Variants in CYP11B2 observed in about 807,000 individuals in gnomAD.
CYP11B2 encodes the protein cytochrome P450 family 11 subfamily B member 2, also known as cytochrome P450 11B2, mitochondrial.
A neutral mutation model predicts 49.3 loss-of-function variants in CYP11B2; 38 were observed. The observed-to-expected ratio is 0.77, with a 90% CI of 0.59 to 1.01. CYP11B2 has a LOEUF of 1.01. CYP11B2 is among the 50% of genes least tolerant of loss of function. The pLI, the probability that CYP11B2 is intolerant of heterozygous loss-of-function variation, is 0.00. For missense variants in CYP11B2, 669 were observed against 655.5 expected (o/e 1.02, Z -0.23); for synonymous variants, 290 against 269.3 (o/e 1.08, Z -0.75).
At chr8:142,916,333 C>T (rs574671469) in intron 2 of CYP11B2, 4 of 446,618 alleles carry the variant, frequency 9.0e-6, no homozygotes, top group South Asian at 6.4e-5. Context: ...ATAGCGTTCC[C>T]TTCCTACCAT....
intron 2 of CYP11B2, among the ~76,000 whole-genome samples, chr8:142,916,803 C>G (rs905541137): frequency 2.0e-5 from 3 of 152,162 alleles, no homozygotes; most frequent in Admixed American, 1.3e-4. Flanking sequence ...GTTCTCACTA[C>G]ACAGAAGGGC....
chr8:142,916,240 C>T (rs1206450857), intron 2 of CYP11B2, among the ~76,000 whole-genome samples: 1 of 152,176 alleles, frequency 6.6e-6, no homozygotes, highest in Admixed American at 6.5e-5. Flanking sequence ...GGTCCTGACT[C>T]TCTCCCAGAT....
Position 142,915,118 on chromosome 8 carries a change from T to C in CYP11B2, c.523A>G (p.Lys175Glu), listed in dbSNP as rs1362015579. 6.2e-7 allele frequency: 1 copy of C among 1,613,500 alleles called. No individual in the cohort carries two copies. Among genetic ancestry groups the C allele is most frequent in the Non-Finnish European group, 8.5e-7 (1 of 1,179,730 alleles). Residue 175 changes from lysine to glutamate, a missense_variant, in exon 3 of 9, where the codon AAG (lysine) becomes GAG (glutamate). Physicochemically the swap from Lys to Glu is moderately conservative, Grantham distance 56. Transcript: ENST00000323110. Reference protein sequence around the residue: ...ARDFSQALKKKVLQNARGSLT... With the variant: ...ARDFSQALKKEVLQNARGSLT... ...CTCCCCCGGGCGTTCTGCAGCACCT[T>C]CTTCTTCAGGGCCTGGGAGAAGTCC...
intron 2 of CYP11B2, chr8:142,916,359 A>G (rs1436697777): frequency 2.0e-5 from 9 of 453,500 alleles, no homozygotes; most frequent in South Asian, 6.2e-5. Context: ...GGGGGCTGTC[A>G]CCACTGTGAC....
At chr8:142,917,261 G>C (rs61757315) in intron 1 of CYP11B2, 47 bp from the exon 2 acceptor site, 27 of 1,598,444 alleles carry the variant, frequency 1.7e-5, no homozygotes, top group Non-Finnish European at 2.2e-5. Context: ...CATGTCCCTC[G>C]TGGCCCCACC....
Position 142,917,713 on chromosome 8 carries a change from TG to T in CYP11B2, c.127del (p.Gln43SerfsTer8). 6.2e-7 allele frequency: 1 copy of T among 1,614,248 alleles called. No individual in the cohort carries two copies. The highest frequency in any genetic ancestry group is 1.1e-5 in the South Asian group (1 of 91,084). On this transcript the variant is annotated frameshift_variant, in exon 1 of 9. Transcript: ENST00000323110. LOFTEE classifies it high-confidence loss of function. ...CCTCAGCCACCTGTTGCCTGGATGC[TG>T]GGGCATGGCTTCAAACGGCAGCACC... ...RTVLPFEAMPQHPGNRWLRLL... is the reference protein window; with the variant it reads ...RTVLPFEAMPXHPGNRWLRLL...
chr8:142,915,173 C>A lies in CYP11B2; in HGVS notation c.468G>T (p.Arg156Ser), dbSNP rs1252223992. 5.6e-6 allele frequency: 9 copies of A among 1,614,066 alleles called. No individual in the cohort carries two copies. Among genetic ancestry groups the A allele is most frequent in the Non-Finnish European group, 7.6e-6 (9 of 1,180,014 alleles). Residue 156 changes from arginine to serine, a missense_variant, in exon 3 of 9, where the codon AGG becomes AGT. Coordinates refer to ENST00000323110, the MANE Select transcript of CYP11B2 (RefSeq NM_000498.3). ...PDVLSPKAVQ[R>S]FLPMVDAVAR... is the part of the protein sequence containing the mutation. ...CCACTGCATCCACCATCGGGAGGAA[C>A]CTCTGCACGGCCTTGGGCGACAGCA...
chr8:142,914,643 A>G (rs6434), intron 4 of CYP11B2, 62 bp downstream of exon 4: 344,646 of 1,103,284 alleles, frequency 0.31, 90,904 homozygotes, highest in African/African-American at 0.49. Flanking sequence ...GTGGTGGAGA[A>G]GGAGAAATTG....
intron 5 of CYP11B2, chr8:142,913,816 T>A: frequency 2.2e-6 from 1 of 445,128 alleles, no homozygotes; most frequent in Admixed American, 2.9e-5. Flanking sequence ...CCCTCTGCAC[T>A]GGCTGGAGCC....
chr8:142,916,650 C>T (rs186775442), intron 2 of CYP11B2: 429 of 378,326 alleles, frequency 1.1e-3, no homozygotes, highest in Non-Finnish European at 1.9e-3. Context: ...GAGGCTGTGG[C>T]CCCGGCGAAC....
chr8:142,912,476 T>TGCAGGTCCCGCCTCTGCTGC (rs1380875577), intron 8 of CYP11B2, 54 bp downstream of exon 8: 1 of 1,571,476 alleles, frequency 6.4e-7, no homozygotes, highest in Non-Finnish European at 8.7e-7. Context: ...GCCCCCAGTG[T>TGCAGGTCCCGCCTCTGCTGC]GCAGGTCCCG....
chr8:142,913,933 T>G (rs1465161111), intron 5 of CYP11B2: 1 of 519,428 alleles, frequency 1.9e-6, no homozygotes, highest in African/African-American at 1.9e-5. Context: ...TCCAGCTGCC[T>G]CTCAACCCTC....
At position 142,912,571 on chromosome 8, in the gene CYP11B2, G is replaced by T; in HGVS notation, c.1357C>A (p.Arg453=). 6.2e-7 allele frequency: 1 copy of T among 1,614,000 alleles called. No homozygotes were observed. Among genetic ancestry groups the T allele is most frequent in the Non-Finnish European group, 8.5e-7 (1 of 1,179,998 alleles). The change falls in exon 8 of 9, where the codon CGG becomes AGG. Residue 453 remains arginine (R), a synonymous_variant. Transcript: ENST00000323110. The part of the protein sequence containing the change: ...FGFGMRQCLG[R]RLAEAEMLLL... ...AGCATCTCTGCCTCTGCCAGGCGCCGCCCGAGGCACTGGCGCATGCCAAAG... is the reference window on the plus strand; with the variant it reads ...AGCATCTCTGCCTCTGCCAGGCGCCTCCCGAGGCACTGGCGCATGCCAAAG...
intron 8 of CYP11B2, 101 bp from the exon 9 acceptor site, chr8:142,912,194 G>T: frequency 2.5e-6 from 4 of 1,570,872 alleles, no homozygotes; most frequent in Non-Finnish European, 3.5e-6. Context: ...GCTGAAGGGG[G>T]AGCAGCAGCC....
Position 142,917,220 on chromosome 8 carries a change from G to A in CYP11B2, c.240-6C>T, listed in dbSNP as rs1235958382. ...GTGGTCCTCCCAAGTTGTACCTGTG[G>A]GGCCAAGCAGGAGGCCCTGCTGGAC... On this transcript the variant is annotated splice_region_variant and splice_polypyrimidine_tract_variant and intron_variant, in intron 1 of 8. Transcript: ENST00000323110. The A allele has an allele frequency of 1.9e-6, 3 of 1,613,738 alleles. No homozygotes were observed. Among genetic ancestry groups the A allele is most frequent in the Non-Finnish European group, 2.5e-6 (3 of 1,179,916 alleles).
intron 5 of CYP11B2, 63 bp from the exon 6 acceptor site, chr8:142,913,514 C>G: frequency 6.2e-7 from 1 of 1,605,566 alleles, no homozygotes; most frequent in Non-Finnish European, 8.5e-7. Context: ...CGGGACACCC[C>G]TCCCAGGACA....
At chr8:142,916,201 G>C (rs139662069) in intron 2 of CYP11B2, among the ~76,000 whole-genome samples, 2 of 151,960 alleles carry the variant, frequency 1.3e-5, no homozygotes, top group East Asian at 3.9e-4. Context: ...TCCATTATGC[G>C]CACCCAGCCT....
chr8:142,913,373 G>C lies in CYP11B2; in HGVS notation c.1033C>G (p.Leu345Val), dbSNP rs1388778118. Residue 345 changes from leucine (L) to valine (V), a missense_variant, in exon 6 of 9, where the codon CTG becomes GTG. Coordinates refer to ENST00000323110, the MANE Select transcript of CYP11B2 (RefSeq NM_000498.3). ...TCACTGATGCTGGCTGCGGCGGCCA[G>C]GCTCTCCTGGCGCAGGATCTGCTGC... The part of the protein sequence containing the change: ...DVQQILRQES[L>V]AAAASISEHP... 1.2e-6 allele frequency: 2 copies of C among 1,613,964 alleles called. No individual in the cohort carries two copies. The highest frequency in any genetic ancestry group is 2.2e-5 in the South Asian group (2 of 91,082).
intron 2 of CYP11B2, among the ~76,000 whole-genome samples, chr8:142,915,531 C>T (rs1363522604): frequency 7.2e-6 from 1 of 138,266 alleles, no homozygotes; most frequent in African/African-American, 2.5e-5. Flanking sequence ...CCAAGTCTGG[C>T]ACCACCTCAC....
Sources: allele counts gnomAD v4.1 joint callset (sites outside exome capture counted in the v4.1 genomes callset), GRCh38; gene constraint gnomAD v4.1.1; transcripts MANE v1.5; gene names NCBI Gene and HGNC (gene_info 2026-07-23, HGNC 2026-07-21).